Variants in TDRD7 observed in about 807,000 individuals in gnomAD.
TDRD7 encodes the protein tudor domain-containing protein 7.
A neutral mutation model predicts 109.8 loss-of-function variants in TDRD7; 47 were observed. The ratio of observed to expected loss-of-function variants is 0.43; its 90% CI spans 0.34 to 0.55. TDRD7 has a LOEUF of 0.55. Ranked by LOEUF, TDRD7 falls within the 20% of genes least tolerant of loss-of-function variation. TDRD7 has a pLI of 0.03. For missense variants in TDRD7, 1,164 were observed against 1,319.2 expected, an observed-to-expected ratio of 0.88 and a Z score of 1.82; for synonymous variants, 424 against 457.3, an observed-to-expected ratio of 0.93 and a Z score of 0.93.
Position 97,473,608 on chromosome 9 carries a change from G to A in TDRD7, c.2061G>A (p.Glu687=). The A allele has an allele frequency of 6.2e-7, 1 of 1,613,682 alleles. No individual in the cohort carries two copies. ...NKLSDLLRKI[E]DYFHCKHMTS... is the part of the protein sequence containing the mutation. ...TCAGTGACCTTCTACGTAAGATAGAGGACTACTTCCATTGCAAGGTATAGC... is the reference window on the plus strand; with the variant it reads ...TCAGTGACCTTCTACGTAAGATAGAAGACTACTTCCATTGCAAGGTATAGC... The change falls in exon 11 of 17, where the codon GAG becomes GAA. Residue 687 remains glutamate (E), a synonymous_variant. Transcript: ENST00000355295.
chr9:97,439,303 A>G lies in TDRD7; in HGVS notation c.622A>G (p.Thr208Ala), dbSNP rs139706467. The change falls in exon 5 of 17, where the codon ACT becomes GCT. Residue 208 changes from threonine (T) to alanine (A), a missense_variant. Thr to Ala is a moderately conservative substitution (Grantham distance 58). Transcript: ENST00000355295. ...GCAGATGCATCTCTCAAGAACCTCT[A>G]CTAAGGAAATGAGTGGTATGTTTTC... is the stretch of plus-strand genomic sequence containing the variant. ...PLQMHLSRTS[T>A]KEMSDNLNQT... 363 of 1,603,302 alleles carry G rather than the reference A, an allele frequency of 2.3e-4. No individual in the cohort carries two copies. The highest frequency in any genetic ancestry group is 1.8e-3 in the Middle Eastern group (11 of 6,044).
At chr9:97,471,063 G>A (rs1430254282) in intron 9 of TDRD7, among the ~76,000 whole-genome samples, 1 of 152,080 alleles carries the variant, frequency 6.6e-6, no homozygotes, top group African/African-American at 2.4e-5. Context: ...CTGTGAGGGT[G>A]TGACTGACAC....
chr9:97,467,288 T>C (rs572207554), intron 8 of TDRD7, among the ~76,000 whole-genome samples: 2 of 152,234 alleles, frequency 1.3e-5, no homozygotes, highest in Non-Finnish European at 2.9e-5. Context: ...CAATAAATAA[T>C]GCAGCTATTC....
At chr9:97,439,178 T>C (rs1473366598) in intron 4 of TDRD7, 67 bp from the exon 5 acceptor site, 5 of 1,210,706 alleles carry the variant, frequency 4.1e-6, no homozygotes, top group Middle Eastern at 4.6e-4. Context: ...AAAAGTGTAG[T>C]GTTTAAAACT....
At chr9:97,493,473 A>G (rs1162355088) in intron 16 of TDRD7, among the ~76,000 whole-genome samples, 2 of 152,152 alleles carry the variant, frequency 1.3e-5, no homozygotes, top group Non-Finnish European at 2.9e-5. Flanking sequence ...TCACAAGGTA[A>G]TAAGATATCA....
chr9:97,445,503 T>C (rs1587870414), intron 6 of TDRD7, among the ~76,000 whole-genome samples: 1 of 152,128 alleles, frequency 6.6e-6, no homozygotes, highest in African/African-American at 2.4e-5. Flanking sequence ...CTCTACATAG[T>C]CTGATGAGTC....
At chr9:97,443,561 A>G (rs538287130) in intron 6 of TDRD7, among the ~76,000 whole-genome samples, 24 of 152,336 alleles carry the variant, frequency 1.6e-4, no homozygotes, top group African/African-American at 5.3e-4. Context: ...CATTCTGGGA[A>G]GAATTTTCCT....
chr9:97,490,551 G>T (rs1364170692), intron 16 of TDRD7, among the ~76,000 whole-genome samples: 1 of 135,886 alleles, frequency 7.4e-6, no homozygotes, highest in South Asian at 2.6e-4. Flanking sequence ...TATTTTGGTG[G>T]GGGGGGGGGC....
In TDRD7 at chr9:97,431,020, C is replaced by T. The variant is rs200783564; in HGVS notation, c.295C>T (p.Arg99Cys). 421 of 1,613,782 alleles carry T rather than the reference C, an allele frequency of 2.6e-4. No individual in the cohort carries two copies. Among genetic ancestry groups the T allele is most frequent in the Non-Finnish European group, 3.2e-4 (374 of 1,179,860 alleles). Residue 99 changes from arginine to cysteine, a missense_variant, in exon 3 of 17, where the codon CGT (arginine) becomes TGT (cysteine). Physicochemically the swap from Arg to Cys is radical, Grantham distance 180 (BLOSUM62 -3). Around this residue, in one of 5 missense-constraint regions of TDRD7, gnomAD observed 101 missense variants for 148.5 expected, o/e 0.68. Transcript: ENST00000355295. ...AAGGAGTTCTAAAAGGAAAACCGGGCGTCAAGTTAATTGTCAGATGAGAGT... is the reference window on the plus strand; with the variant it reads ...AAGGAGTTCTAAAAGGAAAACCGGGTGTCAAGTTAATTGTCAGATGAGAGT... Reference protein sequence around the residue: ...RQRSSKRKTGRQVNCQMRVKK... With the variant: ...RQRSSKRKTGCQVNCQMRVKK...
intron 6 of TDRD7, among the ~76,000 whole-genome samples, chr9:97,451,603 A>G (rs1379828733): frequency 6.6e-6 from 1 of 152,242 alleles, no homozygotes; most frequent in Non-Finnish European, 1.5e-5. Flanking sequence ...TATCCTTCAT[A>G]GTAAACCAGT....
intron 6 of TDRD7, among the ~76,000 whole-genome samples, chr9:97,459,905 G>A (rs1008274820): frequency 6.6e-6 from 1 of 152,158 alleles, no homozygotes; most frequent in Admixed American, 6.5e-5. Flanking sequence ...ACGTTACAGG[G>A]CAGAGCACTT....
At chr9:97,417,825 G>A (rs962539735) in intron 1 of TDRD7, among the ~76,000 whole-genome samples, 7 of 152,186 alleles carry the variant, frequency 4.6e-5, no homozygotes, top group Admixed American at 4.6e-4. Flanking sequence ...GATAATATGT[G>A]CATTAAAAAG....
At chr9:97,443,996 A>G (rs1278189768) in intron 6 of TDRD7, among the ~76,000 whole-genome samples, 1 of 152,088 alleles carries the variant, frequency 6.6e-6, no homozygotes, top group Non-Finnish European at 1.5e-5. Context: ...GGAAATTTTA[A>G]TCTTTGCTAC....
Position 97,456,485 on chromosome 9 carries a change from G to C in TDRD7, c.856-3693G>C, listed in dbSNP as rs111485321. ...GTACTGGTACCAAAGCAGACAAATA[G>C]ACCAATGGAGCAGAACAGAGACCTC... On this transcript the variant is annotated intron_variant, in intron 6 of 16. Coordinates refer to ENST00000355295, the MANE Select transcript of TDRD7 (RefSeq NM_014290.3). Among the ~76,000 whole-genome samples the C allele has an allele frequency of 8.2e-3, 1,253 of 152,184 alleles. 43 individuals are homozygous for C. In the East Asian group the frequency reaches 0.11, roughly 13 times the overall value.
Position 97,484,853 on chromosome 9 carries a change from A to T in TDRD7, c.2915+1502A>T, listed in dbSNP as rs1818692862. On this transcript the variant is annotated intron_variant, in intron 15 of 16. Transcript: ENST00000355295. ...GGGGGCAGATTGATGATTAAAGGTG[A>T]GGAGATCCTCCTTGGAGTAAAGGGG... Among the ~76,000 whole-genome samples, 6 of 152,196 alleles carry T rather than the reference A, an allele frequency of 3.9e-5. No homozygotes were observed. In the South Asian group the frequency reaches 1.2e-3, roughly 32 times the overall value.
chr9:97,489,790 C>T (rs558411137), intron 16 of TDRD7, among the ~76,000 whole-genome samples: 3 of 152,174 alleles, frequency 2.0e-5, no homozygotes, highest in Admixed American at 2.0e-4. Context: ...ATGCCACTTT[C>T]TCTCCTTTCT....
rs1262276439 is a variant in TDRD7, at chr9:97,467,251, GACACATTAACAGTGTA to G, written c.1629+2227_1629+2242del. ...AGAAGAATCATACGTAAATCCTAAT[GACACATTAACAGTGTA>G]ACAATATTTACAATAAATAATGCAG... On this transcript the variant is annotated intron_variant, in intron 8 of 16. Transcript: ENST00000355295. 2.6e-5 allele frequency among the ~76,000 whole-genome samples: 4 copies of G among 152,302 alleles called. No individual in the cohort carries two copies. In the East Asian group the frequency reaches 7.7e-4, roughly 29 times the overall value.
chr9:97,441,510 C>G (rs1335679180), intron 5 of TDRD7, 148 bp from the exon 6 acceptor site: 1 of 669,964 alleles, frequency 1.5e-6, no homozygotes, highest in African/African-American at 1.8e-5. Flanking sequence ...TGTCACGGTG[C>G]TGCTCTGCCT....
rs868212153 is a variant in TDRD7 at position 97,431,015 on chromosome 9, C to A, written c.290C>A (p.Thr97Asn). ...CGTCAAAGGAGTTCTAAAAGGAAAA[C>A]CGGGCGTCAAGTTAATTGTCAGATG... ...VARQRSSKRK[T>N]GRQVNCQMRV... is the part of the protein sequence containing the mutation. The change falls in exon 3 of 17, where the codon ACC (threonine) becomes AAC (asparagine). Residue 97 changes from threonine (T) to asparagine (N), a missense_variant. This residue lies in a region of TDRD7 where 101 missense variants were observed against 148.5 expected (regional missense o/e 0.68). Coordinates refer to ENST00000355295, the MANE Select transcript of TDRD7 (RefSeq NM_014290.3). 2 of 1,613,804 alleles carry A rather than the reference C, an allele frequency of 1.2e-6. No homozygotes were observed. The highest frequency in any genetic ancestry group is 1.7e-6 in the Non-Finnish European group (2 of 1,179,860).
Sources: allele counts gnomAD v4.1 joint callset (sites outside exome capture counted in the v4.1 genomes callset), GRCh38; gene constraint gnomAD v4.1.1; regional missense constraint gnomAD v4.1.1; transcripts MANE v1.5; gene names NCBI Gene and HGNC (gene_info 2026-07-23, HGNC 2026-07-21).